TFPI: variants seen among roughly 807,000 people sequenced by gnomAD.
The protein encoded by TFPI is tissue factor pathway inhibitor, also known as anti-convertin.
A neutral mutation model predicts 34.6 loss-of-function variants in TFPI; 15 were observed. That is an observed-to-expected ratio of 0.43 (90% CI 0.29 to 0.67). TFPI has a LOEUF of 0.67. Among genes scored for constraint, TFPI ranks in the 30% least tolerant of loss-of-function variants. The pLI is 0.15. For synonymous variants in TFPI, 105 were observed against 120.1 expected (o/e 0.87, Z 0.82); for missense variants, 301 against 364.0 (o/e 0.83, Z 1.41).
chr2:187,469,446 A>G (rs568954274), intron 6 of TFPI, among the ~76,000 whole-genome samples: 47 of 152,040 alleles, frequency 3.1e-4, no homozygotes, highest in Non-Finnish European at 6.2e-4. Context: ...ACCTTCTCCT[A>G]TGTGGGGATT....
intron 1 of TFPI, chr2:187,518,047 A>G (rs1687128278): frequency 6.6e-6 from 1 of 152,198 alleles, no homozygotes; most frequent in African/African-American, 2.4e-5. Context: ...TGCACTTGAC[A>G]TGGGTCTCCT....
chr2:187,484,930 G>T lies in TFPI; in HGVS notation c.416C>A (p.Thr139Asn). The change falls in exon 5 of 8, where the codon ACC (threonine) becomes AAC (asparagine). Residue 139 changes from threonine to asparagine, a missense_variant. Coordinates refer to ENST00000233156, the MANE Select transcript of TFPI (RefSeq NM_006287.6). ...TGTCTGATTGTTATAAAAATACCTG[G>T]TAATATAACCTCGACATATTCCAGG... ...EDPGICRGYITRYFYNNQTKQ... is the reference protein window; with the variant it reads ...EDPGICRGYINRYFYNNQTKQ... 1.3e-6 allele frequency: 2 copies of T among 1,577,498 alleles called. No homozygotes were observed. The highest frequency in any genetic ancestry group is 1.7e-6 in the Non-Finnish European group (2 of 1,165,460).
At chr2:187,477,253 A>G (rs1407853086) in intron 6 of TFPI, among the ~76,000 whole-genome samples, 1 of 152,230 alleles carries the variant, frequency 6.6e-6, no homozygotes, top group Non-Finnish European at 1.5e-5. Flanking sequence ...GTCAGGAAGT[A>G]GAAAACTTGC....
At chr2:187,513,084 G>C (rs1574468594) in intron 1 of TFPI, among the ~76,000 whole-genome samples, 1 of 152,254 alleles carries the variant, frequency 6.6e-6, no homozygotes, top group African/African-American at 2.4e-5. Context: ...GGAGGCATAA[G>C]AATGTGGATT....
rs543541433 is a variant in TFPI, at chr2:187,484,555, C to T, written c.535+256G>A. 33 of 480,990 alleles carry T rather than the reference C, an allele frequency of 6.9e-5. No individual in the cohort carries two copies. In the South Asian group the frequency reaches 1.1e-3, roughly 17 times the overall value. The allele number at this position is 480,990 out of a possible 1,614,324, so 29.8% of individuals were successfully genotyped here. A position where few individuals can be genotyped will look rare whatever the true frequency, so the allele number is the denominator to read the frequency against. Reference sequence around the variant, plus strand: ...GAAAGATTTCAGCAATTCTATTGTGCCAAAATTGTACTGCAGTATTCTCAG... The same window carrying T: ...GAAAGATTTCAGCAATTCTATTGTGTCAAAATTGTACTGCAGTATTCTCAG... On this transcript the variant is annotated intron_variant, in intron 5 of 7. Coordinates refer to ENST00000233156, the MANE Select transcript of TFPI (RefSeq NM_006287.6).
At chr2:187,468,258 G>GACACACAC (rs61019402) in intron 6 of TFPI, among the ~76,000 whole-genome samples, 57 of 147,130 alleles carry the variant, frequency 3.9e-4, no homozygotes, top group African/African-American at 1.3e-3. Flanking sequence ...ATTTCTTACA[G>GACACACAC]ACACACACAC....
At position 187,466,911 on chromosome 2, in the gene TFPI, TTAA is replaced by T. The variant is rs767027614; in HGVS notation, c.*22_*24del. The T allele has an allele frequency of 8.1e-7, 1 of 1,227,978 alleles. No homozygotes were observed. Among genetic ancestry groups the T allele is most frequent in the East Asian group, 2.5e-5 (1 of 40,104 alleles). The allele number at this position is 1,227,978 out of a possible 1,614,324, so 76.1% of individuals were successfully genotyped here. On this transcript the variant is annotated 3_prime_UTR_variant, in exon 8 of 8. Coordinates refer to ENST00000233156, the MANE Select transcript of TFPI (RefSeq NM_006287.6). ...ATTTCATATAAAATATTTAGTAGAA[TTAA>T]TGTTACATTGCTATAACAAATTCAC... is the stretch of plus-strand genomic sequence containing the variant.
intron 2 of TFPI, among the ~76,000 whole-genome samples, chr2:187,499,102 A>G (rs1209365318): frequency 6.6e-6 from 1 of 151,998 alleles, no homozygotes; most frequent in Non-Finnish European, 1.5e-5. Flanking sequence ...GTGAACATTG[A>G]CAAGTTTAAA....
chr2:187,539,390 T>C (rs1171164000), intron 1 of TFPI, among the ~76,000 whole-genome samples: 1 of 152,156 alleles, frequency 6.6e-6, no homozygotes, highest in Admixed American at 6.5e-5. Context: ...ATGAGATGGA[T>C]AGAATGGACA....
chr2:187,512,035 C>T (rs936971919), intron 1 of TFPI, among the ~76,000 whole-genome samples: 1 of 151,988 alleles, frequency 6.6e-6, no homozygotes, highest in Admixed American at 6.5e-5. Flanking sequence ...ATCCATAACC[C>T]TATAACACTC....
chr2:187,532,597 T>C (rs1688022114), intron 1 of TFPI, among the ~76,000 whole-genome samples: 1 of 152,196 alleles, frequency 6.6e-6, no homozygotes, highest in Non-Finnish European at 1.5e-5. Context: ...GACCAGGAGA[T>C]TCCATCGCGT....
intron 1 of TFPI, 84 bp from the exon 2 acceptor site, chr2:187,503,854 C>A (rs1335177420): frequency 6.9e-7 from 1 of 1,447,002 alleles, no homozygotes; most frequent in South Asian, 1.3e-5. Context: ...ATATGTGTAC[C>A]TCATATGCAA....
chr2:187,549,744 C>A (rs1574546668), intron 1 of TFPI, among the ~76,000 whole-genome samples: 3 of 151,972 alleles, frequency 2.0e-5, no homozygotes, highest in African/African-American at 4.8e-5. Context: ...AAGTTACAGG[C>A]TCTGTGCCCT....
chr2:187,540,418 A>G (rs541878578), intron 1 of TFPI, among the ~76,000 whole-genome samples: 1 of 152,258 alleles, frequency 6.6e-6, no homozygotes, highest in East Asian at 1.9e-4. Context: ...TGTGAACTGG[A>G]AGGAAATAGT....
At chr2:187,478,901 T>C in intron 6 of TFPI, 1 of 925,642 alleles carries the variant, frequency 1.1e-6, no homozygotes, top group Non-Finnish European at 1.6e-6. Context: ...ATAAACTGTA[T>C]AGTACATTAT....
At chr2:187,524,876 A>T (rs897111175) in intron 1 of TFPI, among the ~76,000 whole-genome samples, 4 of 152,080 alleles carry the variant, frequency 2.6e-5, no homozygotes, top group Non-Finnish European at 5.9e-5. Flanking sequence ...GATAAGAATG[A>T]TTGCTGAAAT....
rs8176484 is a variant in TFPI, at chr2:187,491,847, C to T, written c.320-3472G>A. Among the ~76,000 whole-genome samples the T allele has an allele frequency of 3.5e-3, 538 of 152,004 alleles. 8 individuals carry two copies. Among genetic ancestry groups the T allele is most frequent in the African/African-American group, 0.012 (515 of 41,512 alleles). ...CAATTTATAAGCATTCTTTTTTCTC[C>T]TAATCTTCAACATCTGTTATTTTTT... On this transcript the variant is annotated intron_variant, in intron 3 of 7. Coordinates refer to ENST00000233156, the MANE Select transcript of TFPI (RefSeq NM_006287.6).
rs199557966 is a variant in TFPI, at chr2:187,465,492, G to GAAAAAAAAAAAAAA, written c.*1430_*1443dup. On this transcript the variant is annotated 3_prime_UTR_variant, in exon 8 of 8. Transcript: ENST00000233156. The stretch of plus-strand genomic sequence containing the variant: ...AAAACATAACAAAACAAAACAAAAT[G>GAAAAAAAAAAAAAA]AAAAAAAAAAAAAAACAAGAAAAAA... 1.5e-5 allele frequency: 1 copy of GAAAAAAAAAAAAAA among 67,786 alleles called. No individual in the cohort carries two copies. The highest frequency in any genetic ancestry group is 5.6e-5 in the African/African-American group (1 of 17,702). 4.2% of individuals were successfully genotyped at this position (67,786 alleles called of 1,614,324 possible). A position where few individuals can be genotyped will look rare whatever the true frequency, so the allele number is the denominator to read the frequency against.
At chr2:187,510,307 A>C (rs1162317057) in intron 1 of TFPI, among the ~76,000 whole-genome samples, 1 of 152,128 alleles carries the variant, frequency 6.6e-6, no homozygotes, top group East Asian at 1.9e-4. Flanking sequence ...TTGTCCTACC[A>C]CTGTAACCCA....
Sources: allele counts gnomAD v4.1 joint callset (sites outside exome capture counted in the v4.1 genomes callset), GRCh38; gene constraint gnomAD v4.1.1; transcripts MANE v1.5; gene names NCBI Gene and HGNC (gene_info 2026-07-23, HGNC 2026-07-21).